KHDC1: variants seen among roughly 807,000 people sequenced by gnomAD.
The protein encoded by KHDC1 is KH homology domain-containing protein 1.
KHDC1 carries 21 observed loss-of-function variants against 24.7 expected under a neutral mutation model. The observed-to-expected ratio is 0.85, with a 90% CI of 0.60 to 1.23. The LOEUF is 1.23. Among genes scored for constraint, KHDC1 ranks in the 50% most tolerant of loss-of-function variants. The pLI is 0.00. For missense variants in KHDC1, 274 were observed against 298.5 expected (o/e 0.92, Z 0.61); for synonymous variants, 98 against 111.7 (o/e 0.88, Z 0.77).
Position 73,302,468 on chromosome 6 carries a change from A to C in KHDC1, c.163+7084T>G, listed in dbSNP as rs116182973. Among the ~76,000 whole-genome samples the C allele has an allele frequency of 1.8e-3, 275 of 152,336 alleles. 1 individual carries two copies. Among genetic ancestry groups the C allele is most frequent in the African/African-American group, 6.4e-3 (265 of 41,570 alleles). On this transcript the variant is annotated intron_variant, in intron 1 of 4. Coordinates refer to ENST00000370384, the Ensembl canonical transcript of KHDC1. ...ATAGCCTACTATACACCCAAGCTAT[A>C]TGGTAAAAGCTTATTACCCCTAGGC...
At chr6:73,278,024 T>C (rs1366235780) in intron 2 of KHDC1, among the ~76,000 whole-genome samples, 1 of 147,024 alleles carries the variant, frequency 6.8e-6, no homozygotes, top group Non-Finnish European at 1.5e-5. Flanking sequence ...TTTTTTTTTT[T>C]TTTTTTGAAA....
intron 2 of KHDC1, among the ~76,000 whole-genome samples, chr6:73,265,382 A>G (rs890283545): frequency 6.6e-6 from 1 of 152,110 alleles, no homozygotes; most frequent in Admixed American, 6.5e-5. Context: ...TACAGAAATT[A>G]GTCGGGCATG....
intron 2 of KHDC1, among the ~76,000 whole-genome samples, chr6:73,263,602 G>C (rs1159475836): frequency 2.0e-5 from 1 of 48,906 alleles, no homozygotes; most frequent in African/African-American, 4.9e-5. Flanking sequence ...CTGGGGAGGG[G>C]TGTCGCGGTG....
intron 2 of KHDC1, among the ~76,000 whole-genome samples, chr6:73,261,207 C>G (rs1376748414): frequency 6.6e-6 from 1 of 151,734 alleles, no homozygotes; most frequent in African/African-American, 2.4e-5. Flanking sequence ...TTTTGGGAGG[C>G]CAAGGTGAGC....
chr6:73,245,959 T>C (rs1367054618), intron 2 of KHDC1, among the ~76,000 whole-genome samples: 1 of 152,232 alleles, frequency 6.6e-6, no homozygotes, highest in Non-Finnish European at 1.5e-5. Flanking sequence ...TTGTTTAGCA[T>C]AGTGGTAAAT....
chr6:73,305,444 A>C (rs946881139), intron 1 of KHDC1, among the ~76,000 whole-genome samples: 2 of 152,054 alleles, frequency 1.3e-5, no homozygotes, highest in African/African-American at 4.8e-5. Flanking sequence ...ACTTTAGATA[A>C]GTTTTTTAGT....
chr6:73,286,129 T>TC (rs1304531580), intron 2 of KHDC1, among the ~76,000 whole-genome samples: 1 of 152,148 alleles, frequency 6.6e-6, no homozygotes, highest in Non-Finnish European at 1.5e-5. Context: ...CTACACCCAT[T>TC]CCCAGCCTTA....
chr6:73,272,862 CT>C (rs1290318722), intron 2 of KHDC1, among the ~76,000 whole-genome samples: 172 of 108,938 alleles, frequency 1.6e-3, no homozygotes, highest in Admixed American at 2.5e-3. Flanking sequence ...TTTTCTTTTT[CT>C]TTTTTTTTTT....
At chr6:73,301,712 G>T (rs1037639655) in intron 1 of KHDC1, among the ~76,000 whole-genome samples, 1 of 151,962 alleles carries the variant, frequency 6.6e-6, no homozygotes, top group Non-Finnish European at 1.5e-5. Context: ...GCTCACTGCA[G>T]CCTCGACCTC....
chr6:73,305,862 T>C (rs563454796), intron 1 of KHDC1, among the ~76,000 whole-genome samples: 1 of 152,276 alleles, frequency 6.6e-6, no homozygotes, highest in Non-Finnish European at 1.5e-5. Flanking sequence ...GTTCACCATG[T>C]TGGCCAGGAT....
intron 1 of KHDC1, among the ~76,000 whole-genome samples, chr6:73,294,424 A>G (rs1349203708): frequency 1.3e-5 from 2 of 152,128 alleles, no homozygotes; most frequent in Non-Finnish European, 2.9e-5. Context: ...ATATTTGTGG[A>G]ATAATTTCTA....
At chr6:73,259,604 C>A (rs1766942248) in intron 2 of KHDC1, among the ~76,000 whole-genome samples, 1 of 152,144 alleles carries the variant, frequency 6.6e-6, no homozygotes, top group African/African-American at 2.4e-5. Flanking sequence ...GAAGGGAATG[C>A]AGAAGCAGTC....
chr6:73,294,005 C>CAAAAA (rs111522900), intron 1 of KHDC1, among the ~76,000 whole-genome samples: 3 of 64,900 alleles, frequency 4.6e-5, no homozygotes, highest in African/African-American at 4.5e-5. Flanking sequence ...GACTCCACCT[C>CAAAAA]AAAAAAAAAA....
intron 2 of KHDC1, among the ~76,000 whole-genome samples, chr6:73,245,597 G>GTTCA (rs1378768469): frequency 3.3e-5 from 5 of 152,190 alleles, no homozygotes; most frequent in African/African-American, 1.2e-4. Context: ...AGACATGGAA[G>GTTCA]TTCAAGTCTT....
chr6:73,308,138 G>T (rs551927121), intron 1 of KHDC1, among the ~76,000 whole-genome samples: 1 of 144,468 alleles, frequency 6.9e-6, no homozygotes, highest in East Asian at 2.1e-4. Context: ...GCAGTGACGC[G>T]ATCACGGCTC....
At chr6:73,295,317 A>AT (rs1477106075) in intron 1 of KHDC1, among the ~76,000 whole-genome samples, 1 of 152,140 alleles carries the variant, frequency 6.6e-6, no homozygotes, top group Non-Finnish European at 1.5e-5. Context: ...CTTCCTGTAC[A>AT]TCCTGCAGAC....
At chr6:73,292,473 GA>G (rs1298178272) in intron 1 of KHDC1, 1 of 772,028 alleles carries the variant, frequency 1.3e-6, no homozygotes, top group East Asian at 2.4e-5. Flanking sequence ...TCACTCTGGG[GA>G]AAGCTGGCCT....
intron 2 of KHDC1, among the ~76,000 whole-genome samples, chr6:73,245,116 C>T (rs1296820311): frequency 6.6e-6 from 1 of 151,830 alleles, no homozygotes; most frequent in Non-Finnish European, 1.5e-5. Context: ...ATAATGAGAG[C>T]AAAATTTTTA....
chr6:73,255,816 C>G (rs1473891715), intron 2 of KHDC1, among the ~76,000 whole-genome samples: 1 of 150,308 alleles, frequency 6.7e-6, no homozygotes, highest in Admixed American at 6.7e-5. Context: ...ACTGGAGAAT[C>G]GCTTGAACCT....
Sources: gnomAD v4.1 joint callset for allele counts (sites outside exome capture counted in the v4.1 genomes callset) on GRCh38, gnomAD v4.1.1 for gene constraint, MANE v1.5 for transcripts, NCBI Gene and HGNC (gene_info 2026-07-23, HGNC 2026-07-21) for gene names.